CDH18: variants seen among roughly 807,000 people sequenced by gnomAD.
CDH18 encodes cadherin-18.
In CDH18, 31 loss-of-function variants were observed where a neutral mutation model predicts 67.9. The ratio of observed to expected loss-of-function variants is 0.46; its 90% CI spans 0.34 to 0.62. The LOEUF (loss-of-function observed/expected upper bound fraction) is 0.62. Among genes scored for constraint, CDH18 ranks in the 20% least tolerant of loss-of-function variants. CDH18 has a pLI of 0.01. For synonymous variants in CDH18, 362 were observed against 347.2 expected (o/e 1.04, Z -0.48); for missense variants, 890 against 975.5 (o/e 0.91, Z 1.17).
intron 5 of CDH18, among the ~76,000 whole-genome samples, chr5:19,661,141 G>A (rs1282781201): frequency 6.7e-6 from 1 of 149,354 alleles, no homozygotes; most frequent in Non-Finnish European, 1.5e-5. Context: ...AAAAAAAAAA[G>A]TTACATTTAC....
intron 3 of CDH18, among the ~76,000 whole-genome samples, chr5:19,766,823 A>T (rs934070836): frequency 1.3e-5 from 2 of 152,062 alleles, no homozygotes; most frequent in African/African-American, 4.8e-5. Context: ...GTTGCTTCTG[A>T]ACTTCTCATT....
chr5:20,358,043 G>T (rs1203694132), intron 1 of CDH18, among the ~76,000 whole-genome samples: 2 of 152,124 alleles, frequency 1.3e-5, no homozygotes, highest in Non-Finnish European at 2.9e-5. Flanking sequence ...AACTAGGGCA[G>T]AAACAGAAAA....
At chr5:19,725,489 G>T (rs1011816906) in intron 4 of CDH18, among the ~76,000 whole-genome samples, 9 of 152,088 alleles carry the variant, frequency 5.9e-5, no homozygotes, top group African/African-American at 1.9e-4. Flanking sequence ...TTCTTTGAAG[G>T]CCAGGCACAG....
chr5:20,370,802 G>T (rs938313456), intron 1 of CDH18, among the ~76,000 whole-genome samples: 8 of 152,118 alleles, frequency 5.3e-5, no homozygotes, highest in Non-Finnish European at 1.0e-4. Context: ...ACTGTGGAAG[G>T]CTGAGGCAGG....
intron 2 of CDH18, among the ~76,000 whole-genome samples, chr5:19,899,718 TG>T (rs1333944448): frequency 6.6e-6 from 1 of 151,764 alleles, no homozygotes; most frequent in Non-Finnish European, 1.5e-5. Flanking sequence ...GATGGATGAA[TG>T]AATAAAGAAA....
chr5:20,359,219 C>T (rs990734159), intron 1 of CDH18, among the ~76,000 whole-genome samples: 2 of 152,218 alleles, frequency 1.3e-5, no homozygotes, highest in South Asian at 2.1e-4. Flanking sequence ...GTGTGAGCCA[C>T]CATGCCCATC....
At chr5:20,110,114 G>GAAAAC (rs1253824075) in intron 2 of CDH18, among the ~76,000 whole-genome samples, 1 of 152,110 alleles carries the variant, frequency 6.6e-6, no homozygotes, top group Admixed American at 6.6e-5. Flanking sequence ...AAATCATAAA[G>GAAAAC]AAAACAATGC....
intron 2 of CDH18, among the ~76,000 whole-genome samples, chr5:20,019,105 C>T (rs1052038534): frequency 1.3e-5 from 2 of 152,092 alleles, no homozygotes; most frequent in African/African-American, 2.4e-5. Context: ...CCTAATAAGG[C>T]ATTCTTAATG....
At position 19,955,495 on chromosome 5, in the gene CDH18, A is replaced by G. The variant is rs535336560; in HGVS notation, c.-257+25565T>C. ...TCCCTTCCCTGTATGAATTTATTGT[A>G]GCATGTACTTGTATAGATTTTATAC... On this transcript the variant is annotated intron_variant, in intron 2 of 12. Transcript: ENST00000382275. Among the ~76,000 whole-genome samples, 39 of 152,060 alleles carry G rather than the reference A, an allele frequency of 2.6e-4. 1 individual carries two copies. The East Asian group carries it at 6.9e-3, about 27-fold the overall frequency.
At chr5:20,566,463 G>A (rs1758513631) in intron 1 of CDH18, among the ~76,000 whole-genome samples, 1 of 146,162 alleles carries the variant, frequency 6.8e-6, no homozygotes, top group South Asian at 2.1e-4. Context: ...AGGTTCAGGT[G>A]ATTGTCCTGT....
At chr5:20,005,996 CT>C (rs1432733707) in intron 2 of CDH18, among the ~76,000 whole-genome samples, 1 of 151,788 alleles carries the variant, frequency 6.6e-6, no homozygotes, top group African/African-American at 2.4e-5. Context: ...ATTGAATTTC[CT>C]TTTGATAAAG....
At chr5:19,897,375 A>G (rs1456115216) in intron 2 of CDH18, among the ~76,000 whole-genome samples, 1 of 152,174 alleles carries the variant, frequency 6.6e-6, no homozygotes, top group African/African-American at 2.4e-5. Context: ...CCACAAGGTG[A>G]TACCACTATA....
At chr5:19,641,861 T>C (rs988465999) in intron 5 of CDH18, among the ~76,000 whole-genome samples, 12 of 151,832 alleles carry the variant, frequency 7.9e-5, no homozygotes, top group African/African-American at 2.9e-4. Flanking sequence ...AAATAAAAGG[T>C]ACCCAAATTG....
At chr5:20,500,222 T>C (rs1472703005) in intron 1 of CDH18, among the ~76,000 whole-genome samples, 1 of 152,160 alleles carries the variant, frequency 6.6e-6, no homozygotes, top group Non-Finnish European at 1.5e-5. Flanking sequence ...ATTAAATTGC[T>C]GGTGCTATTT....
chr5:19,806,965 A>T (rs1778106813), intron 3 of CDH18, among the ~76,000 whole-genome samples: 1 of 152,238 alleles, frequency 6.6e-6, no homozygotes, highest in African/African-American at 2.4e-5. Context: ...AGACTATATA[A>T]TATAATACTC....
chr5:19,848,764 G>A (rs542600050), intron 2 of CDH18, among the ~76,000 whole-genome samples: 3 of 151,400 alleles, frequency 2.0e-5, no homozygotes, highest in South Asian at 2.1e-4. Context: ...TGATGGTAGT[G>A]AAGACAAAGA....
chr5:19,924,830 C>T (rs564760256), intron 2 of CDH18, among the ~76,000 whole-genome samples: 3 of 152,192 alleles, frequency 2.0e-5, no homozygotes, highest in South Asian at 2.1e-4. Flanking sequence ...GCATCCACAG[C>T]GTGCAAATAG....
intron 2 of CDH18, among the ~76,000 whole-genome samples, chr5:20,042,250 C>T (rs1375565071): frequency 2.0e-5 from 3 of 152,212 alleles, no homozygotes; most frequent in Non-Finnish European, 2.9e-5. Flanking sequence ...ATTTACTACA[C>T]AAATCCTTCA....
intron 1 of CDH18, among the ~76,000 whole-genome samples, chr5:20,377,287 A>G (rs1250050507): frequency 6.6e-6 from 1 of 152,212 alleles, no homozygotes; most frequent in Non-Finnish European, 1.5e-5. Context: ...CCTGCAAATT[A>G]GTTATTTTGC....
Sources: gnomAD v4.1 joint callset for allele counts (sites outside exome capture counted in the v4.1 genomes callset) on GRCh38, gnomAD v4.1.1 for gene constraint, MANE v1.5 for transcripts, NCBI Gene and HGNC (gene_info 2026-07-23, HGNC 2026-07-21) for gene names.